Variants in TRAPPC10 observed in about 807,000 individuals in gnomAD.
TRAPPC10 encodes trafficking protein particle complex subunit 10.
TRAPPC10 carries 23 observed loss-of-function variants against 125.5 expected under a neutral mutation model. That is an observed-to-expected ratio of 0.18 (90% confidence interval 0.13 to 0.26). The LOEUF is 0.26. TRAPPC10 is among the 10% of genes least tolerant of loss of function. The pLI is 1.00. For missense variants in TRAPPC10, 1,123 were observed against 1,308.4 expected, an observed-to-expected ratio of 0.86 and a Z score of 2.19; for synonymous variants, 509 against 518.0, an observed-to-expected ratio of 0.98 and a Z score of 0.24.
chr21:44,018,188 TAATC>T (rs1377667126), intron 1 of TRAPPC10, among the ~76,000 whole-genome samples: 8 of 151,816 alleles, frequency 5.3e-5, no homozygotes, highest in African/African-American at 1.7e-4. Flanking sequence ...ATCTCTGAAA[TAATC>T]AAGTATGATA....
In TRAPPC10 at chr21:44,087,634, T is replaced by G; in HGVS notation, c.2540-65T>G. The G allele has an allele frequency of 2.7e-6, 4 of 1,455,386 alleles. No homozygotes were observed. The highest frequency in any genetic ancestry group is 3.8e-6 in the Non-Finnish European group (4 of 1,048,764). The allele number at this position is 1,455,386 out of a possible 1,614,324, so 90.2% of individuals were successfully genotyped here. A position where few individuals can be genotyped will look rare whatever the true frequency, so the allele number is the denominator to read the frequency against. On this transcript the variant is annotated intron_variant, in intron 16 of 22. Transcript: ENST00000291574. This position sits in a 1 kb window ranked among gnomAD's most constrained non-coding sequence, Gnocchi z 4.6. Reference sequence around the variant, plus strand: ...GCCTCACTGCTGGGCCATCACCTGCTGTAAGGAAAAGGACAAGTGAAACCG... The same window carrying G: ...GCCTCACTGCTGGGCCATCACCTGCGGTAAGGAAAAGGACAAGTGAAACCG...
intron 3 of TRAPPC10, among the ~76,000 whole-genome samples, chr21:44,040,348 CT>C (rs200232989): frequency 4.7e-4 from 68 of 146,100 alleles, no homozygotes; most frequent in Admixed American, 6.1e-4. Context: ...TTCTCTCTCT[CT>C]TTTTTTTTTT....
intron 8 of TRAPPC10, 109 bp downstream of exon 8, chr21:44,074,579 T>C (rs770987965): frequency 7.0e-7 from 1 of 1,437,094 alleles, no homozygotes. Context: ...TAGATCACGA[T>C]GCATCCACTT....
chr21:44,048,818 T>C (rs62227169), intron 3 of TRAPPC10, among the ~76,000 whole-genome samples: 2 of 139,374 alleles, frequency 1.4e-5, no homozygotes, highest in Admixed American at 1.4e-4. Flanking sequence ...TTTTTTTTTT[T>C]GGTTGGTTCA....
chr21:44,026,746 T>TTGTC (rs1275403215), intron 1 of TRAPPC10, among the ~76,000 whole-genome samples: 1 of 152,264 alleles, frequency 6.6e-6, no homozygotes. Flanking sequence ...AGTTCATCTC[T>TTGTC]TGTCTAGTCC....
chr21:44,060,344 C>T (rs900739676), intron 6 of TRAPPC10: 3 of 141,864 alleles, frequency 2.1e-5, no homozygotes, highest in Non-Finnish European at 3.0e-5. Context: ...GGCACAATCT[C>T]GGCTCACTGC....
intron 9 of TRAPPC10, 98 bp downstream of exon 9, chr21:44,075,251 ATATT>A: frequency 1.2e-6 from 1 of 837,780 alleles, no homozygotes; most frequent in Non-Finnish European, 1.9e-6. Flanking sequence ...AAGAGTAATC[ATATT>A]ACTCACCATT....
intron 1 of TRAPPC10, among the ~76,000 whole-genome samples, chr21:44,022,220 T>C (rs1396635731): frequency 2.0e-5 from 3 of 151,560 alleles, no homozygotes; most frequent in Non-Finnish European, 4.4e-5. Flanking sequence ...GCAACTCTTC[T>C]GCCTCAGCTT....
intron 18 of TRAPPC10, among the ~76,000 whole-genome samples, chr21:44,090,444 C>A (rs1970501483): frequency 6.6e-6 from 1 of 152,196 alleles, no homozygotes; most frequent in South Asian, 2.1e-4. Context: ...TTGAGCAGCA[C>A]CCCAGGCTCT....
chr21:44,037,087 A>G (rs1192252041), intron 2 of TRAPPC10, among the ~76,000 whole-genome samples: 1 of 152,208 alleles, frequency 6.6e-6, no homozygotes, highest in Non-Finnish European at 1.5e-5. Context: ...GATCGGATGA[A>G]AAACAAAATC....
Position 44,092,152 on chromosome 21 carries a change from G to T in TRAPPC10, c.2997+103G>T. ...GACTGAGCCTTTAGATAGAACAGCT[G>T]CACTGCTGATGAGTAAAGGCTCCTG... On this transcript the variant is annotated intron_variant, in intron 19 of 22. Coordinates refer to ENST00000291574, the MANE Select transcript of TRAPPC10 (RefSeq NM_003274.5). 3 of 1,443,304 alleles carry T rather than the reference G, an allele frequency of 2.1e-6. No individual in the cohort carries two copies. The South Asian group carries it at 4.0e-5, about 19-fold the overall frequency. 89.4% of individuals were successfully genotyped at this position (1,443,304 alleles called of 1,614,324 possible). A position where few individuals can be genotyped will look rare whatever the true frequency, so the allele number is the denominator to read the frequency against.
At chr21:44,076,663 G>A (rs1309506958) in intron 10 of TRAPPC10, 35 bp downstream of exon 10, 5 of 1,536,562 alleles carry the variant, frequency 3.3e-6, no homozygotes, top group Non-Finnish European at 4.5e-6. Context: ...TCTGTTCTGT[G>A]AATACCTGTC....
intron 3 of TRAPPC10, among the ~76,000 whole-genome samples, chr21:44,043,998 G>A (rs1370257016): frequency 1.3e-5 from 2 of 152,180 alleles, no homozygotes; most frequent in African/African-American, 4.8e-5. Flanking sequence ...TTGTAGATCC[G>A]TGAGCAAAAG....
rs981296424 is a variant in TRAPPC10 at position 44,074,362 on chromosome 21, T to C, written c.1077T>C (p.Phe359=). 1.2e-6 allele frequency: 2 copies of C among 1,614,080 alleles called. No homozygotes were observed. The highest frequency in any genetic ancestry group is 1.3e-5 in the African/African-American group (1 of 74,928). ...CTGGTGCTCTGGACTGCTGGGTGTTTCTGAGCTGTCTGGAGGTGTTGCAGA... is the reference window on the plus strand; with the variant it reads ...CTGGTGCTCTGGACTGCTGGGTGTTCCTGAGCTGTCTGGAGGTGTTGCAGA... The part of the protein sequence containing the change: ...VPPGALDCWV[F]LSCLEVLQRI... Residue 359 remains phenylalanine (F), a synonymous_variant, in exon 8 of 23, where the codon TTT becomes TTC. Transcript: ENST00000291574.
intron 1 of TRAPPC10, among the ~76,000 whole-genome samples, chr21:44,019,798 C>T (rs779577657): frequency 5.9e-5 from 9 of 152,200 alleles, no homozygotes; most frequent in Non-Finnish European, 1.2e-4. Flanking sequence ...AGCTACCAAG[C>T]GCGCAGTGGC....
intron 7 of TRAPPC10, among the ~76,000 whole-genome samples, chr21:44,064,501 A>G (rs1377752175): frequency 6.6e-6 from 1 of 152,142 alleles, no homozygotes; most frequent in East Asian, 1.9e-4. Flanking sequence ...TCTTTACCCA[A>G]AACAATTCAC....
chr21:44,085,999 C>G (rs1017148800), intron 15 of TRAPPC10, among the ~76,000 whole-genome samples: 1 of 152,252 alleles, frequency 6.6e-6, no homozygotes, highest in African/African-American at 2.4e-5. Flanking sequence ...ATTTGTGCCT[C>G]TTGTGTGGCC....
intron 4 of TRAPPC10, 128 bp from the exon 5 acceptor site, chr21:44,055,570 T>G: frequency 1.4e-6 from 1 of 726,864 alleles, no homozygotes; most frequent in Non-Finnish European, 2.1e-6. Context: ...AGAGCAAAAC[T>G]CTGTCTCAAA....
At chr21:44,089,610 C>T (rs748562916) in intron 17 of TRAPPC10, 21 of 569,716 alleles carry the variant, frequency 3.7e-5, no homozygotes, top group Non-Finnish European at 5.7e-5. Flanking sequence ...CATGTCTTGC[C>T]AGTTCTGCGT....
Sources: allele counts gnomAD v4.1 joint callset (sites outside exome capture counted in the v4.1 genomes callset), GRCh38; gene constraint gnomAD v4.1.1; non-coding constraint Gnocchi (gnomAD v3.1); transcripts MANE v1.5; gene names NCBI Gene and HGNC (gene_info 2026-07-23, HGNC 2026-07-21).